Variants in CD5L observed in about 807,000 individuals in gnomAD.
CD5L encodes CD5 molecule like.
A neutral mutation model predicts 40.8 loss-of-function variants in CD5L; 39 were observed. The observed-to-expected ratio is 0.96, with a 90% confidence interval of 0.74 to 1.25. The LOEUF is 1.25. CD5L is among the 50% of genes most tolerant of loss of function. The pLI is 0.00. For synonymous variants in CD5L, 192 were observed against 169.6 expected (o/e 1.13, Z -1.03); for missense variants, 433 against 435.9 (o/e 0.99, Z 0.06).
In CD5L at chr1:157,834,629, C is replaced by T. The variant is rs773345443; in HGVS notation, c.496G>A (p.Gly166Ser). Residue 166 changes from glycine (G) to serine (S), a missense_variant, in exon 4 of 6, where the codon GGC becomes AGC. By Grantham distance (56) the Gly-to-Ser change is moderately conservative (BLOSUM62 0). Coordinates refer to ENST00000368174, the MANE Select transcript of CD5L (RefSeq NM_005894.3). ...QNQWYTVCQT[G>S]WSLRAAKVVC... The stretch of plus-strand genomic sequence containing the variant: ...ACCTTTGCGGCCCGGAGGCTCCAGC[C>T]TGTCTGGCACACGGTATACCACTGG... 6.2e-7 allele frequency: 1 copy of T among 1,614,122 alleles called. No homozygotes were observed. Among genetic ancestry groups the T allele is most frequent in the South Asian group, 1.1e-5 (1 of 91,094 alleles).
Position 157,833,400 on chromosome 1 carries a change from C to T in CD5L, c.831G>A (p.Glu277=), listed in dbSNP as rs774179898. ...SVCDDNWGEK[E]DQVVCKQLGC... The stretch of plus-strand genomic sequence containing the variant: ...CCAGTTGCTTGCATACCACCTGGTC[C>T]TCCTTTTCTCCCCAGTTGTCATCAC... Residue 277 remains glutamate, a synonymous_variant, in exon 5 of 6, where the codon GAG becomes GAA. Transcript: ENST00000368174. 3 of 1,614,094 alleles carry T rather than the reference C, an allele frequency of 1.9e-6. No individual in the cohort carries two copies. The highest frequency in any genetic ancestry group is 1.7e-5 in the Admixed American group (1 of 60,008).
Position 157,835,818 on chromosome 1 carries a change from AC to A in CD5L, c.376+16del, listed in dbSNP as rs772604381. ...TATGGCAGCTGGCAAGTGGTCCGGG[AC>A]CCCTGCCATACTCACTCTCACACGA... On this transcript the variant is annotated intron_variant, in intron 3 of 5. Coordinates refer to ENST00000368174, the MANE Select transcript of CD5L (RefSeq NM_005894.3). 2.5e-6 allele frequency: 4 copies of A among 1,588,784 alleles called. No homozygotes were observed. The South Asian group carries it at 4.6e-5, about 18-fold the overall frequency.
intron 1 of CD5L, among the ~76,000 whole-genome samples, chr1:157,840,896 T>C (rs1314047460): frequency 6.6e-6 from 1 of 152,164 alleles, no homozygotes. Flanking sequence ...TACCTTACAT[T>C]GAACACAAAA....
chr1:157,836,249 A>G (rs1656212703), intron 2 of CD5L, 94 bp from the exon 3 acceptor site: 2 of 1,008,258 alleles, frequency 2.0e-6, no homozygotes, highest in Non-Finnish European at 1.5e-6. Flanking sequence ...TCCACCATTC[A>G]AATGGTGCAG....
chr1:157,839,442 A>C (rs2101941258), intron 1 of CD5L, 32 bp from the exon 2 acceptor site: 1 of 1,610,010 alleles, frequency 6.2e-7, no homozygotes, highest in Non-Finnish European at 8.5e-7. Flanking sequence ...GAGTGAGGTC[A>C]ATTTCCAAGG....
Position 157,833,286 on chromosome 1 carries a change from G to A in CD5L, c.945C>T (p.Cys315=). 7 of 1,614,170 alleles carry A rather than the reference G, an allele frequency of 4.3e-6. No individual in the cohort carries two copies. The highest frequency in any genetic ancestry group is 5.9e-6 in the Non-Finnish European group (7 of 1,180,040). The change falls in exon 5 of 6, where the codon TGC becomes TGT. Residue 315 remains cysteine (C), a synonymous_variant. Coordinates refer to ENST00000368174, the MANE Select transcript of CD5L (RefSeq NM_005894.3). ...VGRIWLDNVR[C]SGEEQSLEQC... ...GCTCCAGGGACTGCTCCTCCCCTGAGCAACGAACATTATCCAGCCAGATGC... is the reference window on the plus strand; with the variant it reads ...GCTCCAGGGACTGCTCCTCCCCTGAACAACGAACATTATCCAGCCAGATGC...
chr1:157,841,019 T>C (rs575855538), intron 1 of CD5L, among the ~76,000 whole-genome samples: 20 of 152,268 alleles, frequency 1.3e-4, no homozygotes, highest in Admixed American at 4.6e-4. Flanking sequence ...AGATGCTTTA[T>C]ATTAGTTATC....
downstream of CD5L, among the ~76,000 whole-genome samples, chr1:157,830,066 A>T (rs974862794): frequency 3.3e-5 from 5 of 152,204 alleles, no homozygotes; most frequent in African/African-American, 1.2e-4. Context: ...AATATTTATT[A>T]AAAAATTGAG....
downstream of CD5L, chr1:157,830,908 C>A: frequency 2.0e-6 from 2 of 977,080 alleles, no homozygotes; most frequent in Non-Finnish European, 2.4e-6. Flanking sequence ...CACAGAGAGG[C>A]AATTGTTGAG....
downstream of CD5L, chr1:157,830,890 G>T: frequency 1.1e-6 from 1 of 927,318 alleles, no homozygotes; most frequent in Non-Finnish European, 1.3e-6. Context: ...GGCAGAAAGA[G>T]CATATCACAC....
chr1:157,829,753 C>T (rs373384488), downstream of CD5L, among the ~76,000 whole-genome samples: 217 of 152,098 alleles, frequency 1.4e-3, 1 homozygote, highest in African/African-American at 4.4e-3. Flanking sequence ...GTTGGAAGTA[C>T]GAAAACCAAC....
chr1:157,841,072 A>G (rs1656357889), intron 1 of CD5L, among the ~76,000 whole-genome samples: 1 of 152,172 alleles, frequency 6.6e-6, no homozygotes, highest in African/African-American at 2.4e-5. Context: ...GGAACATAAT[A>G]TTATCCTCAC....
At position 157,836,097 on chromosome 1, in the gene CD5L, C is replaced by T; in HGVS notation, c.114G>A (p.Glu38=). The change falls in exon 3 of 6, where the codon GAG becomes GAA. Residue 38 remains glutamate (E), a synonymous_variant. Transcript: ENST00000368174. The part of the protein sequence containing the change: ...GGLHRCEGRV[E]VEQKGQWGTV... Reference sequence around the variant, plus strand: ...TGCCCCACTGGCCTTTCTGTTCCACCTCCACCCGCCCTTCACAGCGGTGGA... The same window carrying T: ...TGCCCCACTGGCCTTTCTGTTCCACTTCCACCCGCCCTTCACAGCGGTGGA... 6.2e-7 allele frequency: 1 copy of T among 1,614,038 alleles called. No homozygotes were observed. Among genetic ancestry groups the T allele is most frequent in the Non-Finnish European group, 8.5e-7 (1 of 1,180,018 alleles).
At position 157,833,090 on chromosome 1, in the gene CD5L, C is replaced by A. The variant is rs997646097; in HGVS notation, c.1039+102G>T. ...GTGATGACTATGAGCAGCTTCATGG[C>A]GCTTGTGAAAATACCCTTTTCCCCA... On this transcript the variant is annotated intron_variant, in intron 5 of 5. Transcript: ENST00000368174. 6 of 923,888 alleles carry A rather than the reference C, an allele frequency of 6.5e-6. No homozygotes were observed. The East Asian group carries it at 9.7e-5, about 15-fold the overall frequency. The allele number at this position is 923,888 out of a possible 1,614,324, so 57.2% of individuals were successfully genotyped here. A position where few individuals can be genotyped will look rare whatever the true frequency, so the allele number is the denominator to read the frequency against.
Position 157,836,006 on chromosome 1 carries a change from C to G in CD5L, c.205G>C (p.Ala69Pro), listed in dbSNP as rs1304798043. 1.2e-6 allele frequency: 2 copies of G among 1,614,084 alleles called. No homozygotes were observed. The highest frequency in any genetic ancestry group is 1.7e-6 in the Non-Finnish European group (2 of 1,180,042). Residue 69 changes from alanine to proline, a missense_variant, in exon 3 of 6, where the codon GCT becomes CCT. By Grantham distance (27) the Ala-to-Pro change is conservative. Transcript: ENST00000368174. Reference protein sequence around the residue: ...AVLCRELGCGAASGTPSGILY... With the variant: ...AVLCRELGCGPASGTPSGILY... ...ATACCACTAGGGGTTCCGCTGGCAG[C>G]TCCACAGCCCAGCTCCCGGCACAAC...
At chr1:157,830,191 C>T (rs2101933948), downstream of CD5L, among the ~76,000 whole-genome samples, 1 of 152,326 alleles carries the variant, frequency 6.6e-6, no homozygotes, top group African/African-American at 2.4e-5. Context: ...ATTTGTCTCA[C>T]ATTTCATATC....
chr1:157,832,046 T>C (rs893574138), intron 5 of CD5L, 78 bp from the exon 6 acceptor site: 1 of 1,152,376 alleles, frequency 8.7e-7, no homozygotes, highest in African/African-American at 1.6e-5. Flanking sequence ...TCACATTAGC[T>C]AAGGGAGAAG....
In CD5L at chr1:157,833,091, G is replaced by A. The variant is rs537322056; in HGVS notation, c.1039+101C>T. 5.9e-4 allele frequency: 553 copies of A among 929,980 alleles called. 1 individual carries two copies. The highest frequency in any genetic ancestry group is 8.7e-4 in the Non-Finnish European group (527 of 604,760). The allele number at this position is 929,980 out of a possible 1,614,324, so 57.6% of individuals were successfully genotyped here. On this transcript the variant is annotated intron_variant, in intron 5 of 5. Transcript: ENST00000368174. ...TGATGACTATGAGCAGCTTCATGGCGCTTGTGAAAATACCCTTTTCCCCAG... is the reference window on the plus strand; with the variant it reads ...TGATGACTATGAGCAGCTTCATGGCACTTGTGAAAATACCCTTTTCCCCAG...
Position 157,831,284 on chromosome 1 carries a change from T to C in CD5L, c.*680A>G. 2 of 985,362 alleles carry C rather than the reference T, an allele frequency of 2.0e-6. No homozygotes were observed. The highest frequency in any genetic ancestry group is 5.2e-4 in the Middle Eastern group (1 of 1,914). 61.0% of individuals were successfully genotyped at this position (985,362 alleles called of 1,614,324 possible). A position where few individuals can be genotyped will look rare whatever the true frequency, so the allele number is the denominator to read the frequency against. ...GTATAGGGATGGACAACAAAGATTTTTATTGGGGCAATCAGAGGATGAAAC... is the reference window on the plus strand; with the variant it reads ...GTATAGGGATGGACAACAAAGATTTCTATTGGGGCAATCAGAGGATGAAAC... On this transcript the variant is annotated 3_prime_UTR_variant, in exon 6 of 6. Transcript: ENST00000368174.
Sources: allele counts gnomAD v4.1 joint callset (sites outside exome capture counted in the v4.1 genomes callset), GRCh38; gene constraint gnomAD v4.1.1; transcripts MANE v1.5; gene names NCBI Gene and HGNC (gene_info 2026-07-23, HGNC 2026-07-21).